Variants in KCTD8 observed in about 807,000 individuals in gnomAD.
KCTD8 encodes the protein potassium channel tetramerization domain containing 8, also known as BTB/POZ domain-containing protein KCTD8.
In KCTD8, 27 loss-of-function variants were observed where a neutral mutation model predicts 31.5. That is an observed-to-expected ratio of 0.86 (90% CI 0.63 to 1.18). The LOEUF (loss-of-function observed/expected upper bound fraction) is 1.18, where lower values mean the gene tolerates loss of function less well. Ranked by LOEUF, KCTD8 falls within the 50% of genes most tolerant of loss-of-function variation. The pLI is 0.00. For missense variants in KCTD8, 658 were observed against 647.7 expected (o/e 1.02, Z -0.17); for synonymous variants, 290 against 280.0 (o/e 1.04, Z -0.36).
At chr4:44,192,235 T>C (rs1471450224) in intron 1 of KCTD8, among the ~76,000 whole-genome samples, 3 of 152,142 alleles carry the variant, frequency 2.0e-5, no homozygotes, top group South Asian at 2.1e-4. Flanking sequence ...CAAAAACAAA[T>C]CTAATCATTG....
At chr4:44,302,996 G>A (rs995911925) in intron 1 of KCTD8, among the ~76,000 whole-genome samples, 5 of 152,080 alleles carry the variant, frequency 3.3e-5, no homozygotes, top group African/African-American at 1.2e-4. Flanking sequence ...TTTGTCTTTG[G>A]TTCTGTTTAT....
chr4:44,349,247 AAAG>A (rs1358911635), intron 1 of KCTD8, among the ~76,000 whole-genome samples: 4 of 152,178 alleles, frequency 2.6e-5, no homozygotes, highest in African/African-American at 7.2e-5. Context: ...TGAAAGATAA[AAAG>A]AAGAAGGAGA....
chr4:44,196,191 T>C (rs962042548), intron 1 of KCTD8, among the ~76,000 whole-genome samples: 5 of 152,174 alleles, frequency 3.3e-5, no homozygotes, highest in African/African-American at 1.2e-4. Flanking sequence ...TACTCATCAT[T>C]ATGGTGAAAA....
At chr4:44,414,713 T>G (rs371094218) in intron 1 of KCTD8, among the ~76,000 whole-genome samples, 1 of 152,332 alleles carries the variant, frequency 6.6e-6, no homozygotes, top group African/African-American at 2.4e-5. Flanking sequence ...TTGATATAGT[T>G]TGGATGTTTA....
intron 1 of KCTD8, among the ~76,000 whole-genome samples, chr4:44,338,633 G>C (rs1267094821): frequency 6.6e-6 from 1 of 152,070 alleles, no homozygotes; most frequent in South Asian, 2.1e-4. Flanking sequence ...GTGTGGTTTC[G>C]ATTTCTGACT....
At chr4:44,232,174 C>A (rs901897760) in intron 1 of KCTD8, among the ~76,000 whole-genome samples, 4 of 152,010 alleles carry the variant, frequency 2.6e-5, no homozygotes, top group Non-Finnish European at 4.4e-5. Context: ...TTTTCAGAAA[C>A]AATAATTTCT....
chr4:44,346,040 G>C (rs961985336), intron 1 of KCTD8, among the ~76,000 whole-genome samples: 1 of 152,110 alleles, frequency 6.6e-6, no homozygotes, highest in African/African-American at 2.4e-5. Context: ...TGGTTATGCT[G>C]TAATTTTAAC....
chr4:44,264,465 G>T (rs915035931), intron 1 of KCTD8, among the ~76,000 whole-genome samples: 2 of 152,198 alleles, frequency 1.3e-5, no homozygotes, highest in Middle Eastern at 3.2e-3. Flanking sequence ...AACCTAAGAA[G>T]ACAGGAGATT....
At chr4:44,369,299 A>C (rs1719721901) in intron 1 of KCTD8, among the ~76,000 whole-genome samples, 2 of 152,170 alleles carry the variant, frequency 1.3e-5, no homozygotes, top group Non-Finnish European at 2.9e-5. Flanking sequence ...CCAAAGAAAA[A>C]ATGTCTGCCT....
chr4:44,276,044 T>C lies in KCTD8; in HGVS notation c.962-100794A>G, dbSNP rs574448208. On this transcript the variant is annotated intron_variant, in intron 1 of 1. Coordinates refer to ENST00000360029, the MANE Select transcript of KCTD8 (RefSeq NM_198353.3). ...AAAAATTTCAGGGTGGTTACTTCCA[T>C]GGTCCCAAAAGAGTGGCATCCCAAG... Among the ~76,000 whole-genome samples the C allele has an allele frequency of 3.3e-5, 5 of 152,156 alleles. 1 individual carries two copies. The highest frequency in any genetic ancestry group is 1.2e-4 in the African/African-American group (5 of 41,550).
At chr4:44,240,391 G>T (rs1034479101) in intron 1 of KCTD8, among the ~76,000 whole-genome samples, 2 of 152,196 alleles carry the variant, frequency 1.3e-5, no homozygotes, top group African/African-American at 2.4e-5. Flanking sequence ...GAGGCTTGTT[G>T]TGTTGTACTT....
intron 1 of KCTD8, among the ~76,000 whole-genome samples, chr4:44,429,630 A>G (rs908861476): frequency 2.0e-5 from 3 of 151,818 alleles, no homozygotes; most frequent in African/African-American, 7.2e-5. Context: ...AACATAAGGA[A>G]TAACTTTGTG....
chr4:44,305,897 T>C (rs921190191), intron 1 of KCTD8, among the ~76,000 whole-genome samples: 38 of 152,024 alleles, frequency 2.5e-4, no homozygotes, highest in Non-Finnish European at 4.4e-4. Context: ...AGGATTCATA[T>C]TGGTAATTAA....
intron 1 of KCTD8, among the ~76,000 whole-genome samples, chr4:44,446,718 C>A (rs1388665807): frequency 1.3e-5 from 2 of 152,316 alleles, no homozygotes; most frequent in African/African-American, 2.4e-5. Flanking sequence ...GTGGACTCAA[C>A]CCCCGCTTTC....
At chr4:44,337,654 A>T (rs1366078827) in intron 1 of KCTD8, among the ~76,000 whole-genome samples, 1 of 145,928 alleles carries the variant, frequency 6.9e-6, no homozygotes, top group Non-Finnish European at 1.5e-5. Context: ...AGCCTGAGTG[A>T]CAGAGCAAGA....
intron 1 of KCTD8, among the ~76,000 whole-genome samples, chr4:44,297,162 A>T (rs1307742760): frequency 1.3e-5 from 2 of 152,106 alleles, no homozygotes; most frequent in African/African-American, 4.8e-5. Flanking sequence ...ATACTAAGTT[A>T]AAAAAATATA....
At chr4:44,376,354 T>C (rs1719916187) in intron 1 of KCTD8, among the ~76,000 whole-genome samples, 1 of 152,166 alleles carries the variant, frequency 6.6e-6, no homozygotes, top group Admixed American at 6.5e-5. Flanking sequence ...CTCCCAGCAA[T>C]GGTTCCCAAG....
chr4:44,181,844 C>G (rs545909028), intron 1 of KCTD8, among the ~76,000 whole-genome samples: 4 of 150,322 alleles, frequency 2.7e-5, no homozygotes, highest in African/African-American at 7.4e-5. Context: ...ATGTGGGGAG[C>G]GCCTCTGCCC....
chr4:44,333,676 A>G (rs1354663526), intron 1 of KCTD8, among the ~76,000 whole-genome samples: 1 of 152,142 alleles, frequency 6.6e-6, no homozygotes, highest in East Asian at 1.9e-4. Context: ...ATTAGAAAGT[A>G]AAAATAAGAT....
Sources: gnomAD v4.1 joint callset for allele counts (sites outside exome capture counted in the v4.1 genomes callset) on GRCh38, gnomAD v4.1.1 for gene constraint, MANE v1.5 for transcripts, NCBI Gene and HGNC (gene_info 2026-07-23, HGNC 2026-07-21) for gene names.